XPO6: variants seen among roughly 807,000 people sequenced by gnomAD.
XPO6 encodes exportin 6.
Under a neutral mutation model 130.0 loss-of-function variants are expected in XPO6, and 3 were observed. The observed-to-expected ratio is 0.02, with a 90% CI of 0.01 to 0.06. The LOEUF is 0.06. Among genes scored for constraint, XPO6 ranks in the 10% least tolerant of loss-of-function variants. XPO6 has a pLI of 1.00. For synonymous variants in XPO6, 524 were observed against 548.9 expected, an observed-to-expected ratio of 0.95 and a Z score of 0.63; for missense variants, 970 against 1,393.0, an observed-to-expected ratio of 0.70 and a Z score of 4.83.
At chr16:28,162,034 A>C (rs542657844) in intron 6 of XPO6, among the ~76,000 whole-genome samples, 2 of 152,392 alleles carry the variant, frequency 1.3e-5, no homozygotes, top group African/African-American at 4.8e-5. Context: ...CATGACTACA[A>C]GCATAGAAAG....
intron 9 of XPO6, among the ~76,000 whole-genome samples, chr16:28,140,118 G>T (rs1464636998): frequency 6.6e-6 from 1 of 151,706 alleles, no homozygotes; most frequent in Non-Finnish European, 1.5e-5. Flanking sequence ...TGTAATCCCA[G>T]CTACTTGGGA....
chr16:28,132,195 G>T lies in XPO6; in HGVS notation c.1606+139C>A. 1 of 687,464 alleles carries T rather than the reference G, an allele frequency of 1.5e-6. No individual in the cohort carries two copies. The highest frequency in any genetic ancestry group is 1.8e-5 in the African/African-American group (1 of 54,116). 42.6% of individuals were successfully genotyped at this position (687,464 alleles called of 1,614,324 possible). ...TCATAAGCCTTTAAAAACGTTCCCT[G>T]TTTCGAAGTGGGGAGAGATGCCAGT... On this transcript the variant is annotated intron_variant, in intron 12 of 23. Transcript: ENST00000304658. The surrounding 1 kb of genome is among the most constrained non-coding windows in gnomAD (Gnocchi z 4.0).
rs1353430010 is a variant in XPO6, at chr16:28,166,522, G to A, written c.629C>T (p.Thr210Ile). 2 of 1,590,452 alleles carry A rather than the reference G, an allele frequency of 1.3e-6. No homozygotes were observed. The highest frequency in any genetic ancestry group is 1.7e-6 in the Non-Finnish European group (2 of 1,167,126). The change falls in exon 6 of 24, where the codon ACC (threonine) becomes ATC (isoleucine). Residue 210 changes from threonine (T) to isoleucine (I), a missense_variant. By Grantham distance (89) the Thr-to-Ile change is moderately conservative (BLOSUM62 -1). Transcript: ENST00000304658. ...GCAGACCATACCACTTTCTCCTGAG[G>A]TCGGGGATGGTGGTGGAGTGGCAGC... is the stretch of plus-strand genomic sequence containing the variant. The part of the protein sequence containing the change: ...VTAATPPPSP[T>I]SGESGDLLSN...
At chr16:28,179,932 A>G (rs1412750169) in intron 2 of XPO6, among the ~76,000 whole-genome samples, 1 of 152,372 alleles carries the variant, frequency 6.6e-6, no homozygotes, top group East Asian at 1.9e-4. Flanking sequence ...GAATATGAAC[A>G]TGTTCAGAAG....
intron 8 of XPO6, among the ~76,000 whole-genome samples, chr16:28,151,665 C>A (rs8057491): frequency 2.0e-5 from 3 of 151,944 alleles, no homozygotes; most frequent in African/African-American, 7.3e-5. Context: ...TTGGGGAAAA[C>A]TCATCTAACT....
intron 1 of XPO6, among the ~76,000 whole-genome samples, chr16:28,185,934 G>A (rs1337590457): frequency 2.0e-5 from 3 of 152,144 alleles, no homozygotes; most frequent in African/African-American, 7.2e-5. Context: ...AGTTAAAACT[G>A]CAAAGGTGAT....
intron 23 of XPO6, among the ~76,000 whole-genome samples, chr16:28,099,292 C>CA (rs2086602079): frequency 6.6e-6 from 1 of 151,376 alleles, no homozygotes; most frequent in Admixed American, 6.6e-5. Context: ...TGAGACCCTG[C>CA]TTTTTTTTTC....
At chr16:28,191,710 G>C (rs1026549184) in intron 1 of XPO6, among the ~76,000 whole-genome samples, 5 of 152,204 alleles carry the variant, frequency 3.3e-5, no homozygotes, top group African/African-American at 9.7e-5. Flanking sequence ...GCACAGAGGA[G>C]TTCTGCTCCA....
intron 1 of XPO6, chr16:28,209,041 T>A (rs1052732674): frequency 1.3e-5 from 2 of 152,212 alleles, no homozygotes; most frequent in African/African-American, 4.8e-5. Context: ...ACCACACGGA[T>A]GAAGCTTGAG....
intron 5 of XPO6, among the ~76,000 whole-genome samples, chr16:28,168,789 T>C (rs2043401871): frequency 6.6e-6 from 1 of 151,184 alleles, no homozygotes; most frequent in South Asian, 2.1e-4. Context: ...TTGTTTTTTT[T>C]TTTTTCCAGA....
At chr16:28,149,015 G>A (rs898566616) in intron 8 of XPO6, among the ~76,000 whole-genome samples, 5 of 149,904 alleles carry the variant, frequency 3.3e-5, no homozygotes, top group East Asian at 2.0e-4. Flanking sequence ...GCACTCCAGC[G>A]TGGGCGACAA....
intron 1 of XPO6, among the ~76,000 whole-genome samples, chr16:28,196,351 T>C (rs930841378): frequency 1.3e-5 from 2 of 152,132 alleles, no homozygotes; most frequent in East Asian, 1.9e-4. Context: ...TTATATAAAA[T>C]ATCCAGAATA....
intron 5 of XPO6, chr16:28,167,051 CCT>C: frequency 1.2e-6 from 1 of 840,690 alleles, no homozygotes; most frequent in East Asian, 1.2e-4. Flanking sequence ...CCCCAGGTTC[CCT>C]GACTGACCTG....
At chr16:28,162,965 T>C (rs2043300910) in intron 6 of XPO6, among the ~76,000 whole-genome samples, 1 of 152,228 alleles carries the variant, frequency 6.6e-6, no homozygotes, top group African/African-American at 2.4e-5. Context: ...ACTACTGGCA[T>C]CTGGGGCTAG....
intron 12 of XPO6, among the ~76,000 whole-genome samples, chr16:28,127,207 G>T (rs903304606): frequency 6.6e-6 from 1 of 152,052 alleles, no homozygotes; most frequent in Non-Finnish European, 1.5e-5. Flanking sequence ...CCAGAGCCTC[G>T]TGTCTCTGTG....
intron 1 of XPO6, among the ~76,000 whole-genome samples, chr16:28,185,023 T>C (rs185531360): frequency 6.6e-6 from 1 of 152,240 alleles, no homozygotes; most frequent in Non-Finnish European, 1.5e-5. Context: ...AGAACCCAAA[T>C]ATCCGTCACC....
intron 12 of XPO6, among the ~76,000 whole-genome samples, chr16:28,128,602 C>T (rs569819950): frequency 2.0e-4 from 31 of 152,292 alleles, no homozygotes; most frequent in African/African-American, 6.5e-4. Flanking sequence ...AATCAAGTTT[C>T]CATTTGAGTA....
At chr16:28,136,047 TTAACAGCTGTGAGAAG>T (rs1326128498) in intron 9 of XPO6, among the ~76,000 whole-genome samples, 4 of 152,218 alleles carry the variant, frequency 2.6e-5, no homozygotes, top group African/African-American at 7.2e-5. Context: ...TTTCATGCTT[TTAACAGCTGTGAGAAG>T]TAAATGGTAT....
intron 9 of XPO6, among the ~76,000 whole-genome samples, chr16:28,143,543 T>A (rs2042932321): frequency 6.6e-6 from 1 of 152,250 alleles, no homozygotes; most frequent in African/African-American, 2.4e-5. Context: ...CACTGCTCTA[T>A]TAGTATAATG....
Sources: gnomAD v4.1 joint callset for allele counts (sites outside exome capture counted in the v4.1 genomes callset) on GRCh38, gnomAD v4.1.1 for gene constraint, Gnocchi (gnomAD v3.1) non-coding constraint, MANE v1.5 for transcripts, NCBI Gene and HGNC (gene_info 2026-07-23, HGNC 2026-07-21) for gene names.